MCFD2: variants seen among roughly 807,000 people sequenced by gnomAD.
MCFD2 encodes multiple coagulation factor deficiency protein 2.
MCFD2 carries 11 observed loss-of-function variants against 12.8 expected under a neutral mutation model. The ratio of observed to expected loss-of-function variants is 0.86; its 90% confidence interval spans 0.54 to 1.42. The LOEUF is 1.42. Among genes scored for constraint, MCFD2 ranks in the 40% most tolerant of loss-of-function variants. MCFD2 has a pLI of 0.00. For missense variants in MCFD2, 191 were observed against 178.6 expected (o/e 1.07, Z -0.40); for synonymous variants, 70 against 68.1 (o/e 1.03, Z -0.14).
At chr2:46,934,694 A>AACAAAT (rs1243403521) in intron 1 of MCFD2, among the ~76,000 whole-genome samples, 1 of 151,488 alleles carries the variant, frequency 6.6e-6, no homozygotes, top group Non-Finnish European at 1.5e-5. Context: ...CAAAAACAAA[A>AACAAAT]ACAAACAAAC....
At position 46,941,632 on chromosome 2, in the gene MCFD2, G is replaced by C; in HGVS notation, c.-68C>G. ...CGAGGGCCACTGGGACCGCATGCCG[G>C]AGCTGGTCCGGCAGCTGCAGACGCT... On this transcript the variant is annotated 5_prime_UTR_variant, in exon 1 of 3. Coordinates refer to the MCFD2 transcript ENST00000409147. This position sits in a 1 kb window ranked among gnomAD's most constrained non-coding sequence, Gnocchi z 4.2. 6.4e-7 allele frequency: 1 copy of C among 1,554,498 alleles called. No homozygotes were observed.
intron 3 of MCFD2, chr2:46,905,818 G>A (rs1366372608): frequency 1.6e-6 from 1 of 625,144 alleles, no homozygotes; most frequent in African/African-American, 1.8e-5. Flanking sequence ...GAGAGAATAT[G>A]TATTATTGAG....
chr2:46,922,341 T>A (rs1396283910), intron 1 of MCFD2, among the ~76,000 whole-genome samples: 1 of 152,194 alleles, frequency 6.6e-6, no homozygotes, highest in Non-Finnish European at 1.5e-5. Context: ...TTAGTGGGGC[T>A]TTGTCTATGG....
chr2:46,909,297 G>C (rs1668385062), intron 1 of MCFD2, 120 bp from the exon 2 acceptor site: 1 of 1,190,738 alleles, frequency 8.4e-7, no homozygotes, highest in East Asian at 2.6e-5. Context: ...AAGAGAGCTT[G>C]TCAAACACGG....
intron 1 of MCFD2, 88 bp from the exon 2 acceptor site, chr2:46,909,265 C>T: frequency 6.9e-7 from 1 of 1,440,972 alleles, no homozygotes. Context: ...CCTGGGAAAC[C>T]TGATGAAGCA....
chr2:46,916,169 G>A, upstream of MCFD2: 1 of 985,370 alleles, frequency 1.0e-6, no homozygotes, highest in Non-Finnish European at 1.2e-6. Context: ...CCTATACAGG[G>A]CTCTTGGTTC....
At chr2:46,911,990 A>G (rs374915903) in intron 1 of MCFD2, among the ~76,000 whole-genome samples, 4 of 152,160 alleles carry the variant, frequency 2.6e-5, no homozygotes, top group East Asian at 3.8e-4. Flanking sequence ...TATCTCCACA[A>G]AATAATTCAG....
At chr2:46,905,823 A>G (rs1335576463) in intron 3 of MCFD2, 2 of 619,790 alleles carry the variant, frequency 3.2e-6, no homozygotes, top group African/African-American at 3.7e-5. Flanking sequence ...AATATGTATT[A>G]TTGAGTCAAT....
At chr2:46,927,002 C>T (rs866122987) in intron 1 of MCFD2, among the ~76,000 whole-genome samples, 1 of 150,516 alleles carries the variant, frequency 6.6e-6, no homozygotes, top group Non-Finnish European at 1.5e-5. Flanking sequence ...TTTAGACACA[C>T]GAAAAGAGAG....
intron 1 of MCFD2, among the ~76,000 whole-genome samples, chr2:46,934,886 C>T (rs9917391): frequency 0.38 from 56,712 of 147,926 alleles, 11,458 homozygotes; most frequent in East Asian, 0.63. Flanking sequence ...CTGCAACCTC[C>T]GCCTCCCGGG....
chr2:46,905,653 C>G lies in MCFD2; in HGVS notation c.310-59G>C, dbSNP rs151169526. The G allele has an allele frequency of 2.9e-3, 3,362 of 1,146,620 alleles. 77 individuals are homozygous for G. In the African/African-American group the frequency reaches 0.048, roughly 16 times the overall value. 71.0% of individuals were successfully genotyped at this position (1,146,620 alleles called of 1,614,324 possible). On this transcript the variant is annotated intron_variant, in intron 3 of 3. Transcript: ENST00000319466. ...GCATTTTACCGGAAGAAGTGCTTAA[C>G]TAACGTCCAAAATATCCATGTTCTT...
upstream of MCFD2, among the ~76,000 whole-genome samples, chr2:46,916,852 C>G (rs1239326317): frequency 6.6e-6 from 1 of 152,092 alleles, no homozygotes; most frequent in Non-Finnish European, 1.5e-5. Flanking sequence ...CCAGGCTGGT[C>G]TCTAACTGCT....
chr2:46,932,793 C>G (rs1289898956), intron 1 of MCFD2, among the ~76,000 whole-genome samples: 3 of 150,206 alleles, frequency 2.0e-5, no homozygotes, highest in African/African-American at 7.4e-5. Flanking sequence ...CCCAGCTACT[C>G]AAGCAGCTGA....
chr2:46,917,713 C>G (rs374738568), upstream of MCFD2, among the ~76,000 whole-genome samples: 61 of 152,328 alleles, frequency 4.0e-4, 1 homozygote, highest in South Asian at 0.012. Flanking sequence ...TTTTCTCCCC[C>G]ACCATACCAC....
chr2:46,919,272 C>T (rs201953698), upstream of MCFD2, among the ~76,000 whole-genome samples: 10 of 152,304 alleles, frequency 6.6e-5, 1 homozygote, highest in East Asian at 1.5e-3. Flanking sequence ...TGGTGGCTCA[C>T]GCCTGTAATC....
chr2:46,916,304 C>T, upstream of MCFD2: 1 of 434,014 alleles, frequency 2.3e-6, no homozygotes, highest in Non-Finnish European at 3.1e-6. Flanking sequence ...GATTGGCCTG[C>T]TTCCAGCGTC....
At chr2:46,934,433 A>G (rs992977453) in intron 1 of MCFD2, among the ~76,000 whole-genome samples, 2 of 152,030 alleles carry the variant, frequency 1.3e-5, no homozygotes, top group Non-Finnish European at 2.9e-5. Context: ...TAATTTTTGT[A>G]TTTTTAGTAG....
intron 1 of MCFD2, among the ~76,000 whole-genome samples, chr2:46,931,689 C>CATA (rs528244768): frequency 0.07 from 8,202 of 116,704 alleles, 269 homozygotes; most frequent in African/African-American, 0.14. Context: ...CAAAAACAGA[C>CATA]AATAATAAAT....
rs1668287024 is a variant in MCFD2, at chr2:46,907,370, A to G, written c.309+440T>C. The G allele has an allele frequency of 4.9e-6, 1 of 202,618 alleles. No individual in the cohort carries two copies. The highest frequency in any genetic ancestry group is 2.4e-5 in the African/African-American group (1 of 42,310). The allele number at this position is 202,618 out of a possible 1,614,324, so 12.6% of individuals were successfully genotyped here. ...ACACAGAAGAGAAAGAAGCAGCAGC[A>G]CCTTTTTTTTTCTTTTCTTTTTTTC... On this transcript the variant is annotated intron_variant, in intron 3 of 3. Transcript: ENST00000319466. The surrounding 1 kb of genome is among the most constrained non-coding windows in gnomAD (Gnocchi z 4.1).
Sources: gnomAD v4.1 joint callset for allele counts (sites outside exome capture counted in the v4.1 genomes callset) on GRCh38, gnomAD v4.1.1 for gene constraint, Gnocchi (gnomAD v3.1) non-coding constraint, MANE v1.5 for transcripts, NCBI Gene and HGNC (gene_info 2026-07-23, HGNC 2026-07-21) for gene names.